Variants in NRAP observed in about 807,000 individuals in gnomAD.
NRAP encodes nebulin related anchoring protein.
Under a neutral mutation model 225.9 loss-of-function variants are expected in NRAP, and 189 were observed. The ratio of observed to expected loss-of-function variants is 0.84; its 90% CI spans 0.74 to 0.94. The LOEUF (loss-of-function observed/expected upper bound fraction) is 0.94, where lower values mean the gene tolerates loss of function less well. Ranked by LOEUF, NRAP falls within the 40% of genes least tolerant of loss-of-function variation. NRAP has a pLI of 0.00. For synonymous variants in NRAP, 769 were observed against 790.7 expected, an observed-to-expected ratio of 0.97 and a Z score of 0.46; for missense variants, 2,176 against 2,168.7, an observed-to-expected ratio of 1.00 and a Z score of -0.07.
Position 113,590,870 on chromosome 10 carries a change from A to G in NRAP, c.4664T>C (p.Phe1555Ser), listed in dbSNP as rs749657614. Residue 1555 changes from phenylalanine to serine, a missense_variant, in exon 40 of 42, where the codon TTC (phenylalanine) becomes TCC (serine). Physicochemically the swap from Phe to Ser is radical, Grantham distance 155. Around this residue, in one of 3 missense-constraint regions of NRAP, gnomAD observed 445 missense variants for 426.1 expected, o/e 1.04. Coordinates refer to ENST00000359988, the MANE Select transcript of NRAP (RefSeq NM_198060.4). ...GATCTGCAGGCCTCGGTCCCGCAGG[A>G]AAGCCTCTTTGTACCGGAACTGCAA... is the stretch of plus-strand genomic sequence containing the variant. ...IASDFRYKEA[F>S]LRDRGLQIGY... The G allele has an allele frequency of 6.2e-7, 1 of 1,613,966 alleles. No individual in the cohort carries two copies. The highest frequency in any genetic ancestry group is 2.2e-5 in the East Asian group (1 of 44,876).
intron 25 of NRAP, among the ~76,000 whole-genome samples, chr10:113,617,899 T>A (rs1847763331): frequency 6.6e-6 from 1 of 152,190 alleles, no homozygotes; most frequent in African/African-American, 2.4e-5. Flanking sequence ...TTGGGTCTTC[T>A]AAGCAAGAAA....
chr10:113,588,816 C>CAACA lies in NRAP; in HGVS notation c.*155_*158dup, dbSNP rs1413654767. 4.6e-6 allele frequency: 3 copies of CAACA among 645,948 alleles called. No homozygotes were observed. The highest frequency in any genetic ancestry group is 5.4e-5 in the Admixed American group (2 of 37,212). The allele number at this position is 645,948 out of a possible 1,614,324, so 40.0% of individuals were successfully genotyped here. ...TAGGTATCAGAGAGGACCACAAATACAACATTCTCCATCTGCTTTCAGAGT... is the reference window on the plus strand; with the variant it reads ...TAGGTATCAGAGAGGACCACAAATACAACAAACATTCTCCATCTGCTTTCAGAGT... On this transcript the variant is annotated 3_prime_UTR_variant, in exon 42 of 42. Transcript: ENST00000359988.
At chr10:113,616,035 T>C (rs183728211) in intron 26 of NRAP, among the ~76,000 whole-genome samples, 2 of 152,288 alleles carry the variant, frequency 1.3e-5, no homozygotes, top group African/African-American at 2.4e-5. Flanking sequence ...AGCTGAAGCA[T>C]TCCCCTCAGT....
Position 113,589,806 on chromosome 10 carries a change from T to TAAGA in NRAP, c.4957-13_4957-10dup. 6.2e-7 allele frequency: 1 copy of TAAGA among 1,612,446 alleles called. No homozygotes were observed. The highest frequency in any genetic ancestry group is 2.2e-5 in the East Asian group (1 of 44,858). On this transcript the variant is annotated splice_polypyrimidine_tract_variant and intron_variant, in intron 40 of 41. Transcript: ENST00000359988. The stretch of plus-strand genomic sequence containing the variant: ...TCTGATTTATACTTGACCTTGAGGG[T>TAAGA]AAGAGGGAAGCAAGAGGAATATGTC...
At chr10:113,628,390 G>A (rs563166399) in intron 20 of NRAP, among the ~76,000 whole-genome samples, 2 of 151,988 alleles carry the variant, frequency 1.3e-5, no homozygotes, top group South Asian at 2.1e-4. Context: ...GGGTTTCACC[G>A]TGTTAGCCAG....
At chr10:113,663,768 T>G (rs1474907904) in intron 1 of NRAP, 43 bp downstream of exon 1, 1 of 1,369,728 alleles carries the variant, frequency 7.3e-7, no homozygotes, top group Non-Finnish European at 1.0e-6. Context: ...GTCAATTTCC[T>G]GTGTTTGTTA....
At chr10:113,659,441 G>A (rs1173335191) in intron 3 of NRAP, among the ~76,000 whole-genome samples, 2 of 152,102 alleles carry the variant, frequency 1.3e-5, no homozygotes, top group South Asian at 2.1e-4. Flanking sequence ...AGAAACACAG[G>A]ACCAAAAGAC....
intron 35 of NRAP, among the ~76,000 whole-genome samples, chr10:113,602,952 C>A (rs1846696640): frequency 6.6e-6 from 1 of 152,194 alleles, no homozygotes; most frequent in African/African-American, 2.4e-5. Context: ...AGGATAAAGA[C>A]CACGGATGTT....
chr10:113,597,982 T>A lies in NRAP; in HGVS notation c.4319A>T (p.Glu1440Val). The change falls in exon 36 of 42, where the codon GAA (glutamate) becomes GTA (valine). Residue 1440 changes from glutamate to valine, a missense_variant. Glu to Val is a moderately radical substitution (Grantham distance 121). Transcript: ENST00000359988. ...GGTTGATGGTACCTCGCTGATGAGT[T>A]CTCCAGCCTTCTTTGCACTCTCCAT... ...PQMESAKKAGELISETKYRKK... is the reference protein window; with the variant it reads ...PQMESAKKAGVLISETKYRKK... 6.2e-7 allele frequency: 1 copy of A among 1,612,010 alleles called. No homozygotes were observed. Among genetic ancestry groups the A allele is most frequent in the Non-Finnish European group, 8.5e-7 (1 of 1,178,286 alleles).
intron 25 of NRAP, 117 bp downstream of exon 25, chr10:113,620,487 C>G: frequency 1.3e-6 from 1 of 748,892 alleles, no homozygotes. Context: ...GTTTTGAGGC[C>G]TTTCATGTGG....
chr10:113,633,239 A>G lies in NRAP; in HGVS notation c.1528-51T>C, dbSNP rs1359340407. On this transcript the variant is annotated intron_variant, in intron 15 of 41. Transcript: ENST00000359988. ...GGGTTTTTATATGGGCAGAAAGAGAACTTTAGGGACCCATAGCTCTTTCCC... is the reference window on the plus strand; with the variant it reads ...GGGTTTTTATATGGGCAGAAAGAGAGCTTTAGGGACCCATAGCTCTTTCCC... 6 of 1,036,350 alleles carry G rather than the reference A, an allele frequency of 5.8e-6. No homozygotes were observed. In the South Asian group the frequency reaches 7.7e-5, roughly 13 times the overall value. The allele number at this position is 1,036,350 out of a possible 1,614,324, so 64.2% of individuals were successfully genotyped here. A position where few individuals can be genotyped will look rare whatever the true frequency, so the allele number is the denominator to read the frequency against.
At chr10:113,650,969 G>A (rs1849927723) in intron 7 of NRAP, among the ~76,000 whole-genome samples, 1 of 152,222 alleles carries the variant, frequency 6.6e-6, no homozygotes, top group South Asian at 2.1e-4. Context: ...ACAACACTAA[G>A]TTCTTGATCT....
intron 4 of NRAP, among the ~76,000 whole-genome samples, chr10:113,656,921 T>C (rs1421164112): frequency 2.0e-5 from 3 of 152,140 alleles, no homozygotes; most frequent in Non-Finnish European, 4.4e-5. Flanking sequence ...ATAAGAATAA[T>C]GCAAATTCTT....
At chr10:113,592,728 G>A (rs1846064249) in intron 38 of NRAP, among the ~76,000 whole-genome samples, 1 of 152,200 alleles carries the variant, frequency 6.6e-6, no homozygotes, top group South Asian at 2.1e-4. Context: ...GCACTCATGT[G>A]TTTGTTAGCT....
Position 113,589,699 on chromosome 10 carries a change from GGCCAGTTCC to G in NRAP, c.5046_5054del (p.Glu1683_Ala1685del). 1 of 1,614,100 alleles carries G rather than the reference GGCCAGTTCC, an allele frequency of 6.2e-7. No individual in the cohort carries two copies. The highest frequency in any genetic ancestry group is 2.2e-5 in the East Asian group (1 of 44,880). On this transcript the variant is annotated inframe_deletion, in exon 41 of 42. Transcript: ENST00000359988. The stretch of plus-strand genomic sequence containing the variant: ...CCTGGAGACCCAGGCCCCTTGCGTT[GGCCAGTTCC>G]GCAGCCCGCCGAGCCATTTCCACTT...
At position 113,654,241 on chromosome 10, in the gene NRAP, T is replaced by C. The variant is rs41310310; in HGVS notation, c.361-116A>G. Reference sequence around the variant, plus strand: ...ATTATAAACTCCTATTGGTAAATCCTGGGTCTCAGCTAACTGAAATGTTCA... The same window carrying C: ...ATTATAAACTCCTATTGGTAAATCCCGGGTCTCAGCTAACTGAAATGTTCA... On this transcript the variant is annotated intron_variant, in intron 4 of 41. Transcript: ENST00000359988. 61,488 of 646,694 alleles carry C rather than the reference T, an allele frequency of 0.095. 3,416 individuals carry two copies. The highest frequency in any genetic ancestry group is 0.16 in the South Asian group (7,115 of 45,348). The allele number at this position is 646,694 out of a possible 1,614,324, so 40.1% of individuals were successfully genotyped here.
intron 3 of NRAP, among the ~76,000 whole-genome samples, chr10:113,660,937 C>T (rs186447967): frequency 1.3e-5 from 2 of 152,238 alleles, no homozygotes; most frequent in East Asian, 3.9e-4. Context: ...TCAGTTTCCT[C>T]AACTATAACA....
intron 11 of NRAP, among the ~76,000 whole-genome samples, chr10:113,645,415 GTTGT>G (rs72181176): frequency 0.55 from 83,688 of 151,392 alleles, 24,325 homozygotes; most frequent in East Asian, 0.73. Context: ...CACCTTTTTT[GTTGT>G]TTGTTTGTTT....
chr10:113,650,336 G>C (rs1849866521), intron 8 of NRAP, 102 bp downstream of exon 8: 1 of 904,602 alleles, frequency 1.1e-6, no homozygotes, highest in Non-Finnish European at 1.8e-6. Context: ...CTACTCCCTG[G>C]CTTCAGGGTA....
Sources: allele counts gnomAD v4.1 joint callset (sites outside exome capture counted in the v4.1 genomes callset), GRCh38; gene constraint gnomAD v4.1.1; regional missense constraint gnomAD v4.1.1; transcripts MANE v1.5; gene names NCBI Gene and HGNC (gene_info 2026-07-23, HGNC 2026-07-21).